Variants in ZBBX observed in about 807,000 individuals in gnomAD.
The protein encoded by ZBBX is zinc finger B-box domain containing.
A neutral mutation model predicts 108.5 loss-of-function variants in ZBBX; 101 were observed. That is an observed-to-expected ratio of 0.93 (90% confidence interval 0.79 to 1.10). The LOEUF (loss-of-function observed/expected upper bound fraction) is 1.10. Ranked by LOEUF, ZBBX falls within the 50% of genes least tolerant of loss-of-function variation. ZBBX has a pLI of 0.00. For synonymous variants in ZBBX, 356 were observed against 323.4 expected, an observed-to-expected ratio of 1.10 and a Z score of -1.08; for missense variants, 1,009 against 941.4, an observed-to-expected ratio of 1.07 and a Z score of -0.94.
At chr3:167,253,970 C>T (rs747461154) in intron 20 of ZBBX, among the ~76,000 whole-genome samples, 3 of 152,072 alleles carry the variant, frequency 2.0e-5, no homozygotes, top group Non-Finnish European at 4.4e-5. Context: ...ACATGACAGG[C>T]ATCAAAGGAA....
chr3:167,407,269 C>T (rs1297787668), intron 1 of ZBBX, among the ~76,000 whole-genome samples: 1 of 152,100 alleles, frequency 6.6e-6, no homozygotes, highest in East Asian at 1.9e-4. Context: ...AGTGTAAATA[C>T]ATTAACTTTA....
the ZBBX span, among the ~76,000 whole-genome samples, chr3:167,219,540 T>G: frequency 6.6e-6 from 1 of 151,746 alleles, no homozygotes; most frequent in Non-Finnish European, 1.5e-5. Context: ...AGTAGGTCAA[T>G]GAAGAAATAA....
chr3:167,276,033 C>T (rs1287419965), intron 20 of ZBBX, among the ~76,000 whole-genome samples: 11 of 151,870 alleles, frequency 7.2e-5, no homozygotes, highest in African/African-American at 7.2e-5. Context: ...ACACCTCACA[C>T]GGCCGGGTAC....
rs371677528 is a variant in ZBBX, at chr3:167,267,947, G to A, written c.2254+14291C>T. On this transcript the variant is annotated intron_variant, in intron 20 of 21. Transcript: ENST00000675490. ...TGCCCCAGATCCTTCTTCTCCTTAC[G>A]TTATTCCTCCTCCTTATAATCCTGA... is the stretch of plus-strand genomic sequence containing the variant. 9.3e-5 allele frequency among the ~76,000 whole-genome samples: 14 copies of A among 150,846 alleles called. No homozygotes were observed. In the South Asian group the frequency reaches 2.1e-3, roughly 23 times the overall value.
intron 20 of ZBBX, among the ~76,000 whole-genome samples, chr3:167,272,491 GAC>G (rs1203390925): frequency 6.6e-6 from 1 of 152,132 alleles, no homozygotes; most frequent in Non-Finnish European, 1.5e-5. Flanking sequence ...GCAGAGACTT[GAC>G]ACTTGAGTCA....
At chr3:167,212,365 C>T in the ZBBX span, among the ~76,000 whole-genome samples, 1 of 152,172 alleles carries the variant, frequency 6.6e-6, no homozygotes, top group African/African-American at 2.4e-5. Flanking sequence ...CAACTCAGCA[C>T]CTCCCTGGAC....
chr3:167,398,813 T>TGTGA (rs1748330056), intron 1 of ZBBX, among the ~76,000 whole-genome samples: 1 of 152,032 alleles, frequency 6.6e-6, no homozygotes, highest in South Asian at 2.1e-4. Context: ...TAATCCCCTA[T>TGTGA]GTGACAGTAT....
chr3:167,356,759 C>T (rs919194429), intron 8 of ZBBX, among the ~76,000 whole-genome samples: 19 of 152,130 alleles, frequency 1.2e-4, no homozygotes, highest in African/African-American at 4.6e-4. Flanking sequence ...TACACTCCTA[C>T]CCTCATGAAG....
At chr3:167,330,204 G>A (rs1738190046) in intron 10 of ZBBX, among the ~76,000 whole-genome samples, 1 of 151,866 alleles carries the variant, frequency 6.6e-6, no homozygotes, top group African/African-American at 2.4e-5. Context: ...ACAAAGTTAA[G>A]TGAAAAAAAA....
chr3:167,242,560 T>C lies in ZBBX; in HGVS notation c.2338A>G (p.Thr780Ala). The change falls in exon 21 of 22, where the codon ACA becomes GCA. Residue 780 changes from threonine to alanine, a missense_variant. Thr to Ala is a moderately conservative substitution (Grantham distance 58). Coordinates refer to ENST00000675490, the MANE Select transcript of ZBBX (RefSeq NM_001199201.2). ...ACATGTGAGGTCTTAAGGAAATCTG[T>C]GGAAATCTGACTTATATTCAGTGAT... Reference protein sequence around the residue: ...SQSLNISQISTDFLKTSHVRG... With the variant: ...SQSLNISQISADFLKTSHVRG... 6.2e-7 allele frequency: 1 copy of C among 1,613,720 alleles called. No individual in the cohort carries two copies. The highest frequency in any genetic ancestry group is 8.5e-7 in the Non-Finnish European group (1 of 1,179,820).
At chr3:167,261,762 C>A (rs537501698) in intron 20 of ZBBX, among the ~76,000 whole-genome samples, 1 of 138,424 alleles carries the variant, frequency 7.2e-6, no homozygotes, top group Non-Finnish European at 1.5e-5. Context: ...CCAGGCTACC[C>A]GCCTCCCAAC....
chr3:167,271,718 GA>G (rs1726555086), intron 20 of ZBBX, among the ~76,000 whole-genome samples: 2 of 152,146 alleles, frequency 1.3e-5, no homozygotes, highest in Non-Finnish European at 2.9e-5. Context: ...AAGTTATAAA[GA>G]AATCTCCCTT....
exon 1 of ZBBX, among the ~76,000 whole-genome samples, chr3:167,407,808 G>T (rs747449699): frequency 6.6e-6 from 1 of 151,964 alleles, no homozygotes; most frequent in Non-Finnish European, 1.5e-5. Flanking sequence ...CAAATCTCAC[G>T]CAGTCGACTC....
rs564543826 is a variant in ZBBX, at chr3:167,397,142, T to TAAAG, written c.-446+10583_-446+10584insCTTT. 5.8e-3 allele frequency among the ~76,000 whole-genome samples: 421 copies of TAAAG among 72,400 alleles called. 12 individuals carry two copies. Among genetic ancestry groups the TAAAG allele is most frequent in the African/African-American group, 0.021 (395 of 18,700 alleles). 47.5% of individuals were successfully genotyped at this position (72,400 alleles called of 152,430 possible). On this transcript the variant is annotated intron_variant, in intron 1 of 21. Coordinates refer to the ZBBX transcript ENST00000455345. ...GTCGTGAAGAAGAGGTTCTTGGTGGTAAAAAAAAAAAAAAAAAAAAAAAAT... is the reference window on the plus strand; with the variant it reads ...GTCGTGAAGAAGAGGTTCTTGGTGGTAAAGAAAAAAAAAAAAAAAAAAAAAAAAT...
At chr3:167,337,201 A>C (rs1739697131) in intron 9 of ZBBX, among the ~76,000 whole-genome samples, 1 of 152,170 alleles carries the variant, frequency 6.6e-6, no homozygotes, top group Admixed American at 6.6e-5. Context: ...ACTATAGTTT[A>C]ATTATATTAA....
rs551540858 is a variant in ZBBX at position 167,284,886 on chromosome 3, G to A, written c.1997-2391C>T. On this transcript the variant is annotated intron_variant, in intron 19 of 21. Coordinates refer to ENST00000675490, the MANE Select transcript of ZBBX (RefSeq NM_001199201.2). ...TAATATATAAGGGTACTAATGTTAC[G>A]GTTAAGTTTAAGATATAACACAACA... is the stretch of plus-strand genomic sequence containing the variant. Among the ~76,000 whole-genome samples, 157 of 151,712 alleles carry A rather than the reference G, an allele frequency of 1.0e-3. 2 individuals are homozygous for A. Among genetic ancestry groups the A allele is most frequent in the Middle Eastern group, 3.4e-3 (1 of 294 alleles).
At chr3:167,316,668 A>G (rs1379531843) in intron 14 of ZBBX, among the ~76,000 whole-genome samples, 1 of 152,116 alleles carries the variant, frequency 6.6e-6, no homozygotes, top group Non-Finnish European at 1.5e-5. Flanking sequence ...AACGAGACTG[A>G]TATTTGTTTA....
intron 17 of ZBBX, among the ~76,000 whole-genome samples, chr3:167,304,866 A>G (rs1733354824): frequency 6.6e-6 from 1 of 151,578 alleles, no homozygotes; most frequent in African/African-American, 2.4e-5. Flanking sequence ...ACAAAGGTAC[A>G]ATATCTGCCA....
chr3:167,279,737 G>T (rs1728409703), intron 20 of ZBBX, among the ~76,000 whole-genome samples: 1 of 151,740 alleles, frequency 6.6e-6, no homozygotes, highest in Non-Finnish European at 1.5e-5. Context: ...CACAGAATTG[G>T]AAAAAACTAC....
Sources: gnomAD v4.1 joint callset for allele counts (sites outside exome capture counted in the v4.1 genomes callset) on GRCh38, gnomAD v4.1.1 for gene constraint, MANE v1.5 for transcripts, NCBI Gene and HGNC (gene_info 2026-07-23, HGNC 2026-07-21) for gene names.